Variants in CTDSPL2 observed in about 807,000 individuals in gnomAD.
CTDSPL2 encodes CTD small phosphatase like 2, also known as CTD small phosphatase-like protein 2.
In CTDSPL2, 5 loss-of-function variants were observed where a neutral mutation model predicts 60.0. The ratio of observed to expected loss-of-function variants is 0.08; its 90% CI spans 0.04 to 0.18. The LOEUF (loss-of-function observed/expected upper bound fraction) is 0.18. CTDSPL2 is among the 10% of genes least tolerant of loss of function. The pLI is 1.00. For missense variants in CTDSPL2, 370 were observed against 548.8 expected (o/e 0.67, Z 3.26); for synonymous variants, 186 against 189.3 (o/e 0.98, Z 0.14).
intron 10 of CTDSPL2, among the ~76,000 whole-genome samples, chr15:44,516,250 GAGC>G (rs2081653415): frequency 1.3e-5 from 2 of 152,024 alleles, no homozygotes; most frequent in African/African-American, 4.8e-5. Flanking sequence ...TTACAGGCGT[GAGC>G]CACTGCACCC....
At chr15:44,486,444 G>A in intron 3 of CTDSPL2, 107 bp from the exon 4 acceptor site, 1 of 738,030 alleles carries the variant, frequency 1.4e-6, no homozygotes, top group Non-Finnish European at 2.1e-6. Flanking sequence ...TAGCTTTCGT[G>A]AAGTATTTTG....
At chr15:44,471,599 A>G (rs1326417216) in intron 2 of CTDSPL2, among the ~76,000 whole-genome samples, 3 of 152,264 alleles carry the variant, frequency 2.0e-5, no homozygotes, top group East Asian at 3.9e-4. Context: ...TAAATATGTA[A>G]TATAGTATAG....
intron 2 of CTDSPL2, among the ~76,000 whole-genome samples, chr15:44,477,447 A>T (rs1287325802): frequency 6.6e-6 from 1 of 151,984 alleles, no homozygotes; most frequent in Non-Finnish European, 1.5e-5. Flanking sequence ...AGGTGGAAGG[A>T]TGACTTGAGC....
At position 44,431,899 on chromosome 15, in the gene CTDSPL2, TC is replaced by T. The variant is rs1228939277; in HGVS notation, c.-25+4128del. On this transcript the variant is annotated intron_variant, in intron 1 of 12. Coordinates refer to ENST00000260327, the MANE Select transcript of CTDSPL2 (RefSeq NM_016396.3). ...CGGCCGGCTAACTTTGTATTTTTTT[TC>T]TTTAGTAGAGATGAGGTTTCACCAT... Among the ~76,000 whole-genome samples the T allele has an allele frequency of 4.0e-5, 6 of 151,824 alleles. No individual in the cohort carries two copies. In the East Asian group the frequency reaches 1.2e-3, roughly 29 times the overall value.
Position 44,524,349 on chromosome 15 carries a change from G to T in CTDSPL2, c.*175G>T. ...ACAGAAAGAGACTTTATCTATCTCA[G>T]ATCGAATACATATAGTAGGTAGGCT... On this transcript the variant is annotated 3_prime_UTR_variant, in exon 13 of 13. Coordinates refer to ENST00000260327, the MANE Select transcript of CTDSPL2 (RefSeq NM_016396.3). The T allele has an allele frequency of 1.7e-6, 1 of 602,490 alleles. No individual in the cohort carries two copies. The highest frequency in any genetic ancestry group is 2.9e-6 in the Non-Finnish European group (1 of 339,858). The allele number at this position is 602,490 out of a possible 1,614,324, so 37.3% of individuals were successfully genotyped here.
At chr15:44,432,743 C>A (rs764760710) in intron 1 of CTDSPL2, among the ~76,000 whole-genome samples, 1 of 151,850 alleles carries the variant, frequency 6.6e-6, no homozygotes, top group Non-Finnish European at 1.5e-5. Flanking sequence ...TCTCAGTCCC[C>A]CGAATAGCTG....
intron 5 of CTDSPL2, among the ~76,000 whole-genome samples, chr15:44,495,793 G>T (rs367697293): frequency 1.5e-4 from 23 of 152,056 alleles, no homozygotes; most frequent in African/African-American, 5.3e-4. Flanking sequence ...AATCAGCCAG[G>T]TGTGGTGGCA....
intron 4 of CTDSPL2, among the ~76,000 whole-genome samples, chr15:44,488,884 A>G (rs1349794877): frequency 1.3e-5 from 2 of 152,194 alleles, no homozygotes; most frequent in Non-Finnish European, 2.9e-5. Flanking sequence ...TGCTGAAGTA[A>G]AGAATCTCTG....
At chr15:44,461,976 C>T (rs1381407079) in intron 2 of CTDSPL2, among the ~76,000 whole-genome samples, 1 of 151,604 alleles carries the variant, frequency 6.6e-6, no homozygotes, top group Non-Finnish European at 1.5e-5. Flanking sequence ...TTCTTTCATT[C>T]CCATTGCCCA....
At position 44,525,702 on chromosome 15, in the gene CTDSPL2, A is replaced by C; in HGVS notation, c.*1528A>C. ...TACTGTACAAATTACATGCAGCTTCATTTTCAAATGAATCCTTAAAATAAG... is the reference window on the plus strand; with the variant it reads ...TACTGTACAAATTACATGCAGCTTCCTTTTCAAATGAATCCTTAAAATAAG... On this transcript the variant is annotated 3_prime_UTR_variant, in exon 13 of 13. Coordinates refer to ENST00000260327, the MANE Select transcript of CTDSPL2 (RefSeq NM_016396.3). 2.6e-6 allele frequency: 1 copy of C among 386,290 alleles called. No homozygotes were observed. Among genetic ancestry groups the C allele is most frequent in the East Asian group, 3.7e-5 (1 of 27,084 alleles). 23.9% of individuals were successfully genotyped at this position (386,290 alleles called of 1,614,324 possible). A position where few individuals can be genotyped will look rare whatever the true frequency, so the allele number is the denominator to read the frequency against.
intron 2 of CTDSPL2, among the ~76,000 whole-genome samples, chr15:44,473,499 G>A (rs2080852410): frequency 6.6e-6 from 1 of 151,568 alleles, no homozygotes; most frequent in African/African-American, 2.4e-5. Context: ...GTTTCACCGT[G>A]TTAGTCAGAA....
intron 10 of CTDSPL2, 100 bp downstream of exon 10, chr15:44,514,944 G>A (rs2081623679): frequency 1.5e-6 from 1 of 671,582 alleles, no homozygotes; most frequent in Non-Finnish European, 2.6e-6. Flanking sequence ...GGCTGCATAT[G>A]TGTTGAATGG....
At chr15:44,474,307 A>G (rs971194618) in intron 2 of CTDSPL2, among the ~76,000 whole-genome samples, 4 of 152,138 alleles carry the variant, frequency 2.6e-5, no homozygotes, top group Admixed American at 6.6e-5. Flanking sequence ...CTTGGGCAAC[A>G]TGGTGAAACC....
rs1361049482 is a variant in CTDSPL2 at position 44,528,573 on chromosome 15, AAAG to A, written c.*4404_*4406del. The A allele has an allele frequency of 6.6e-6, 1 of 151,924 alleles. No homozygotes were observed. The highest frequency in any genetic ancestry group is 1.5e-5 in the Non-Finnish European group (1 of 67,994). 9.4% of individuals were successfully genotyped at this position (151,924 alleles called of 1,614,324 possible). On this transcript the variant is annotated 3_prime_UTR_variant, in exon 13 of 13. Transcript: ENST00000260327. ...TATTCAAGATACATGGAGGAATAAT[AAAG>A]AAGATTAAGGCTACTGCTCATTATC...
Position 44,511,833 on chromosome 15 carries a change from A to C in CTDSPL2, c.970-2765A>C, listed in dbSNP as rs963340269. Reference sequence around the variant, plus strand: ...CAGTAAGCCAAGATCATGTTACTGCACTCCAGCCTGGGCAGCAGAATGAGA... The same window carrying C: ...CAGTAAGCCAAGATCATGTTACTGCCCTCCAGCCTGGGCAGCAGAATGAGA... On this transcript the variant is annotated intron_variant, in intron 8 of 12. Transcript: ENST00000260327. 5.8e-5 allele frequency among the ~76,000 whole-genome samples: 8 copies of C among 137,438 alleles called. No homozygotes were observed. In the Admixed American group the frequency reaches 5.9e-4, roughly 10 times the overall value. The allele number at this position is 137,438 out of a possible 152,430, so 90.2% of individuals were successfully genotyped here.
chr15:44,472,447 C>T (rs2140744036), intron 2 of CTDSPL2, among the ~76,000 whole-genome samples: 1 of 152,098 alleles, frequency 6.6e-6, no homozygotes, highest in Non-Finnish European at 1.5e-5. Flanking sequence ...TGGTATGGAG[C>T]ATCTTTTTTA....
chr15:44,493,928 G>A (rs570395540), intron 5 of CTDSPL2, among the ~76,000 whole-genome samples: 1 of 152,156 alleles, frequency 6.6e-6, no homozygotes, highest in Admixed American at 6.5e-5. Flanking sequence ...AAAAAATTCT[G>A]CTTTACATCT....
chr15:44,502,571 CA>C (rs2081397668), intron 8 of CTDSPL2, among the ~76,000 whole-genome samples: 1 of 152,006 alleles, frequency 6.6e-6, no homozygotes, highest in South Asian at 2.1e-4. Context: ...TAGCCATGGA[CA>C]ATACATAAAT....
In CTDSPL2 at chr15:44,514,347, A is replaced by G. The variant is rs117653838; in HGVS notation, c.970-251A>G. ...TGTTTATTAAAATTACATACCAGTGAAGTACTGTATGCTGCTATTAGTAAA... is the reference window on the plus strand; with the variant it reads ...TGTTTATTAAAATTACATACCAGTGGAGTACTGTATGCTGCTATTAGTAAA... On this transcript the variant is annotated intron_variant, in intron 8 of 12. Coordinates refer to ENST00000260327, the MANE Select transcript of CTDSPL2 (RefSeq NM_016396.3). 2.8e-3 allele frequency among the ~76,000 whole-genome samples: 420 copies of G among 152,328 alleles called. 1 individual carries two copies. Among genetic ancestry groups the G allele is most frequent in the Admixed American group, 7.7e-3 (118 of 15,298 alleles).
Sources: gnomAD v4.1 joint callset for allele counts (sites outside exome capture counted in the v4.1 genomes callset) on GRCh38, gnomAD v4.1.1 for gene constraint, MANE v1.5 for transcripts, NCBI Gene and HGNC (gene_info 2026-07-23, HGNC 2026-07-21) for gene names.